Variants in GSTA1 observed in about 807,000 individuals in gnomAD.
The protein encoded by GSTA1 is glutathione S-transferase A1.
In GSTA1, 23 loss-of-function variants were observed where a neutral mutation model predicts 21.5. The observed-to-expected ratio is 1.07, with a 90% CI of 0.77 to 1.52. The LOEUF (loss-of-function observed/expected upper bound fraction) is 1.52. GSTA1 is among the 40% of genes most tolerant of loss of function. The probability of loss-of-function intolerance (pLI) is 0.00; values close to 1 mark genes in which losing one functional copy is unlikely to be tolerated. For synonymous variants in GSTA1, 125 were observed against 90.0 expected, an observed-to-expected ratio of 1.39 and a Z score of -2.20; for missense variants, 301 against 264.2, an observed-to-expected ratio of 1.14 and a Z score of -0.96.
intron 1 of GSTA1, among the ~76,000 whole-genome samples, chr6:52,802,097 A>G (rs1561916128): frequency 1.3e-5 from 2 of 152,168 alleles, no homozygotes; most frequent in South Asian, 2.1e-4. Context: ...GCTTGCTTGG[A>G]AGAAAAAATT....
At chr6:52,801,750 C>T (rs1763722403) in intron 1 of GSTA1, among the ~76,000 whole-genome samples, 1 of 152,146 alleles carries the variant, frequency 6.6e-6, no homozygotes, top group African/African-American at 2.4e-5. Context: ...CACACATGCT[C>T]CTCATTCATA....
At chr6:52,801,332 C>T (rs1165212187) in intron 1 of GSTA1, among the ~76,000 whole-genome samples, 2 of 152,198 alleles carry the variant, frequency 1.3e-5, no homozygotes, top group East Asian at 1.9e-4. Context: ...CCTGTTTTGT[C>T]ATGAGATATT....
chr6:52,796,704 G>A (rs1232924972), intron 3 of GSTA1, among the ~76,000 whole-genome samples: 1 of 150,226 alleles, frequency 6.7e-6, no homozygotes, highest in East Asian at 2.0e-4. Context: ...CAGTGCACAT[G>A]GCTAATTTTT....
At chr6:52,796,523 G>GTATATATATA (rs1294399131) in intron 3 of GSTA1, among the ~76,000 whole-genome samples, 13 of 45,280 alleles carry the variant, frequency 2.9e-4, no homozygotes, top group Non-Finnish European at 4.8e-4. Context: ...GTGTGTGTGT[G>GTATATATATA]TGTGTGTATA....
At chr6:52,793,092 T>G in intron 5 of GSTA1, 105 bp from the exon 6 acceptor site, 1 of 1,517,466 alleles carries the variant, frequency 6.6e-7, no homozygotes, top group Non-Finnish European at 9.1e-7. Flanking sequence ...TCTGTTGCCT[T>G]ACTGCATGGG....
chr6:52,800,263 A>G (rs1763683644), intron 1 of GSTA1, among the ~76,000 whole-genome samples: 1 of 152,172 alleles, frequency 6.6e-6, no homozygotes, highest in Non-Finnish European at 1.5e-5. Flanking sequence ...GAGGTTTTTA[A>G]AGTAACTTTC....
intron 1 of GSTA1, among the ~76,000 whole-genome samples, chr6:52,799,848 C>T (rs1763672092): frequency 6.6e-6 from 1 of 152,178 alleles, no homozygotes; most frequent in Non-Finnish European, 1.5e-5. Context: ...GCCCTGGGAA[C>T]CCATGAACTG....
chr6:52,795,654 G>A (rs1763558763), intron 4 of GSTA1, among the ~76,000 whole-genome samples: 1 of 152,148 alleles, frequency 6.6e-6, no homozygotes, highest in South Asian at 2.1e-4. Flanking sequence ...CTATCCATGT[G>A]TCAAGGTAAC....
intron 4 of GSTA1, among the ~76,000 whole-genome samples, chr6:52,794,557 C>G (rs1763534533): frequency 6.6e-6 from 1 of 152,136 alleles, no homozygotes; most frequent in South Asian, 2.1e-4. Context: ...ACTGCCAGTA[C>G]CCACTGATGC....
chr6:52,797,370 C>CCA (rs1763615535), intron 3 of GSTA1, among the ~76,000 whole-genome samples: 1 of 152,088 alleles, frequency 6.6e-6, no homozygotes, highest in Admixed American at 6.6e-5. Flanking sequence ...GAGATTGTTC[C>CCA]TCTAGCAAAT....
chr6:52,791,919 G>A lies in GSTA1; in HGVS notation c.608C>T (p.Pro203Leu). ...TTTCTCATCCATGGGAGGCTTCCTT[G>A]GGCTGCCAGGCTGTAGAAACTTCTT... ...TVKKFLQPGS[P>L]RKPPMDEKSL... Residue 203 changes from proline to leucine, a missense_variant, in exon 7 of 7, where the codon CCA (proline) becomes CTA (leucine). Coordinates refer to ENST00000334575, the MANE Select transcript of GSTA1 (RefSeq NM_145740.5). 1 of 1,613,914 alleles carries A rather than the reference G, an allele frequency of 6.2e-7. No homozygotes were observed. The highest frequency in any genetic ancestry group is 8.5e-7 in the Non-Finnish European group (1 of 1,179,858).
chr6:52,799,341 C>A (rs972428749), intron 1 of GSTA1, 44 bp from the exon 2 acceptor site: 82 of 1,306,022 alleles, frequency 6.3e-5, no homozygotes, highest in Non-Finnish European at 6.3e-5. Flanking sequence ...ACGATAGAAT[C>A]AAAAATGTAC....
chr6:52,792,986 A>C lies in GSTA1; in HGVS notation c.416T>G (p.Val139Gly), dbSNP rs200960381. ...KNRYFPAFEK[V>G]LKSHGQDYLV... The stretch of plus-strand genomic sequence containing the variant: ...GTAGTCTTGTCCATGGCTCTTTAAG[A>C]CCTGGAGAATGGGAGGAATCAGATC... The change falls in exon 6 of 7, where the codon GTC becomes GGC. Residue 139 changes from valine to glycine, a missense_variant and splice_region_variant. Coordinates refer to ENST00000334575, the MANE Select transcript of GSTA1 (RefSeq NM_145740.5). The C allele has an allele frequency of 1.1e-4, 181 of 1,613,978 alleles. 1 individual carries two copies. The Admixed American group carries it at 2.8e-3, about 25-fold the overall frequency.
chr6:52,801,809 G>A lies in GSTA1; in HGVS notation c.-31+1976C>T, dbSNP rs112500983. On this transcript the variant is annotated intron_variant, in intron 1 of 6. Transcript: ENST00000334575. ...ACCTTCCGCAACAACCCTGGGAAAT[G>A]GCTCCTATTATCCAAATTAAAGATG... 9.5e-4 allele frequency among the ~76,000 whole-genome samples: 145 copies of A among 152,198 alleles called. 1 individual carries two copies. Among genetic ancestry groups the A allele is most frequent in the African/African-American group, 3.3e-3 (138 of 41,512 alleles).
intron 1 of GSTA1, among the ~76,000 whole-genome samples, chr6:52,801,040 C>A (rs1344097833): frequency 6.6e-6 from 1 of 152,086 alleles, no homozygotes; most frequent in Admixed American, 6.5e-5. Context: ...TGCCACCACA[C>A]CCGGATAATT....
At chr6:52,796,485 A>ATG (rs1561912785) in intron 3 of GSTA1, among the ~76,000 whole-genome samples, 171 bp from the exon 4 acceptor site, 49 of 4,788 alleles carry the variant, frequency 0.01, no homozygotes, top group African/African-American at 0.062. Context: ...ATATATATAT[A>ATG]TATATGTGTG....
chr6:52,794,236 A>G lies in GSTA1; in HGVS notation c.303T>C (p.Asp101=), dbSNP rs575067988. Residue 101 remains aspartate, a synonymous_variant, in exon 5 of 7, where the codon GAT becomes GAC. Transcript: ENST00000334575. The part of the protein sequence containing the change: ...LIDMYIEGIA[D]LGEMILLLPV... Reference sequence around the variant, plus strand: ...GCAGAAGGAGGATCATTTCACCCAAATCTGCTATACCTTCTATATACATAT... The same window carrying G: ...GCAGAAGGAGGATCATTTCACCCAAGTCTGCTATACCTTCTATATACATAT... 1.9e-6 allele frequency: 3 copies of G among 1,613,694 alleles called. No individual in the cohort carries two copies. Among genetic ancestry groups the G allele is most frequent in the Admixed American group, 3.3e-5 (2 of 60,000 alleles).
chr6:52,799,299 T>G lies in GSTA1; in HGVS notation c.-30-2A>C, dbSNP rs765394179. ...AGTCTCCTGGAGGTTTCTCTAAGCCTGAATGAATGAATGAATGAATGAATA... is the reference window on the plus strand; with the variant it reads ...AGTCTCCTGGAGGTTTCTCTAAGCCGGAATGAATGAATGAATGAATGAATA... On this transcript the variant is annotated splice_acceptor_variant, in intron 1 of 6. Coordinates refer to ENST00000334575, the MANE Select transcript of GSTA1 (RefSeq NM_145740.5). LOFTEE classifies it low-confidence loss of function (5UTR_SPLICE). 13 of 1,337,096 alleles carry G rather than the reference T, an allele frequency of 9.7e-6. No individual in the cohort carries two copies. The highest frequency in any genetic ancestry group is 8.4e-6 in the Non-Finnish European group (8 of 957,664). 82.8% of individuals were successfully genotyped at this position (1,337,096 alleles called of 1,614,324 possible).
intron 4 of GSTA1, 120 bp downstream of exon 4, chr6:52,796,062 A>G (rs1021815206): frequency 4.2e-5 from 61 of 1,451,942 alleles, no homozygotes; most frequent in Admixed American, 2.9e-4. Flanking sequence ...ACCTCAGCGT[A>G]CATGCCCAAG....
Sources: gnomAD v4.1 joint callset for allele counts (sites outside exome capture counted in the v4.1 genomes callset) on GRCh38, gnomAD v4.1.1 for gene constraint, MANE v1.5 for transcripts, NCBI Gene and HGNC (gene_info 2026-07-23, HGNC 2026-07-21) for gene names.